Variants in KIF13B observed in about 807,000 individuals in gnomAD.
The protein encoded by KIF13B is kinesin-like protein KIF13B.
A neutral mutation model predicts 222.0 loss-of-function variants in KIF13B; 127 were observed. The ratio of observed to expected loss-of-function variants is 0.57; its 90% confidence interval spans 0.50 to 0.66. The LOEUF is 0.66. KIF13B is among the 30% of genes least tolerant of loss of function. The pLI is 0.00. For missense variants in KIF13B, 2,173 were observed against 2,379.0 expected, an observed-to-expected ratio of 0.91 and a Z score of 1.80; for synonymous variants, 976 against 919.0, an observed-to-expected ratio of 1.06 and a Z score of -1.12.
chr8:29,109,893 C>G, intron 33 of KIF13B, 25 bp downstream of exon 33: 1 of 1,610,382 alleles, frequency 6.2e-7, no homozygotes, highest in Non-Finnish European at 8.5e-7. Flanking sequence ...CTCTGCTGCC[C>G]GCCCTATCCA....
At chr8:29,175,965 G>A (rs1391074348) in intron 10 of KIF13B, 103 bp downstream of exon 10, 13 of 706,330 alleles carry the variant, frequency 1.8e-5, no homozygotes, top group Admixed American at 9.8e-5. Flanking sequence ...TTTGCACACC[G>A]ATAGAGGAAA....
At chr8:29,081,305 T>C (rs1807800044) in intron 37 of KIF13B, among the ~76,000 whole-genome samples, 2 of 152,192 alleles carry the variant, frequency 1.3e-5, no homozygotes, top group Non-Finnish European at 2.9e-5. Flanking sequence ...GCAGCAGCCC[T>C]GACATGGCAG....
chr8:29,127,351 G>T, intron 24 of KIF13B, 83 bp from the exon 25 acceptor site: 1 of 1,206,388 alleles, frequency 8.3e-7, no homozygotes, highest in Non-Finnish European at 1.2e-6. Flanking sequence ...ACAGGCTGAT[G>T]TTGAGAAAAA....
At chr8:29,097,543 G>A (rs1808589117) in intron 36 of KIF13B, among the ~76,000 whole-genome samples, 1 of 151,972 alleles carries the variant, frequency 6.6e-6, no homozygotes, top group Admixed American at 6.6e-5. Flanking sequence ...AGTGCACATA[G>A]AATATTAACC....
At position 29,134,052 on chromosome 8, in the gene KIF13B, A is replaced by T; in HGVS notation, c.2772T>A (p.Phe924Leu). ...AAAACAAACTCACATTGCAATGATC[A>T]AAGACAACCATGCAGTGCGGCTCCT... is the stretch of plus-strand genomic sequence containing the variant. ...VSKEPHCMVV[F>L]DHCNEFSVNI... is the part of the protein sequence containing the mutation. The change falls in exon 22 of 40, where the codon TTT (phenylalanine) becomes TTA (leucine). Residue 924 changes from phenylalanine (F) to leucine (L), a missense_variant. By Grantham distance (22) the Phe-to-Leu change is conservative. This residue lies in a region of KIF13B where 1,480 missense variants were observed against 1,722.8 expected (regional missense o/e 0.86). Transcript: ENST00000524189. The T allele has an allele frequency of 6.2e-7, 1 of 1,613,412 alleles. No homozygotes were observed. The highest frequency in any genetic ancestry group is 2.2e-5 in the East Asian group (1 of 44,886).
chr8:29,072,415 AG>A, intron 38 of KIF13B, 99 bp from the exon 39 acceptor site: 16 of 766,196 alleles, frequency 2.1e-5, no homozygotes, highest in Non-Finnish European at 3.0e-5. Flanking sequence ...GGCCAGGGGC[AG>A]TGGCTCAGCC....
intron 17 of KIF13B, among the ~76,000 whole-genome samples, chr8:29,147,158 T>C (rs1471881337): frequency 6.6e-6 from 1 of 152,210 alleles, no homozygotes; most frequent in African/African-American, 2.4e-5. Context: ...CCAAAAGCCA[T>C]ACCAACTGAA....
intron 1 of KIF13B, among the ~76,000 whole-genome samples, chr8:29,248,793 T>C (rs1226095850): frequency 2.6e-5 from 4 of 152,202 alleles, no homozygotes; most frequent in African/African-American, 9.7e-5. Context: ...TCAAAAACCA[T>C]ACATTGTATG....
intron 2 of KIF13B, among the ~76,000 whole-genome samples, chr8:29,205,082 G>C (rs1386025394): frequency 6.6e-6 from 1 of 152,126 alleles, no homozygotes; most frequent in Admixed American, 6.5e-5. Flanking sequence ...TCAGTATGTT[G>C]GGAGGCAAAG....
At position 29,260,271 on chromosome 8, in the gene KIF13B, C is replaced by T. The variant is rs898184650; in HGVS notation, c.55+2709G>A. Among the ~76,000 whole-genome samples, 9 of 152,206 alleles carry T rather than the reference C, an allele frequency of 5.9e-5. No homozygotes were observed. In the East Asian group the frequency reaches 1.7e-3, roughly 29 times the overall value. On this transcript the variant is annotated intron_variant, in intron 1 of 39. Coordinates refer to ENST00000524189, the MANE Select transcript of KIF13B (RefSeq NM_015254.4). ...ACCTAAGCACAACCACTGAATCACA[C>T]AAGAACTTAATACACCAGAGTTTTC...
At position 29,070,580 on chromosome 8, in the gene KIF13B, G is replaced by A. The variant is rs775305974; in HGVS notation, c.5405C>T (p.Ala1802Val). Residue 1802 changes from alanine to valine, a missense_variant, in exon 40 of 40, where the codon GCC becomes GTC. This residue lies in a region of KIF13B where 693 missense variants were observed against 656.2 expected (regional missense o/e 1.06). Transcript: ENST00000524189. This position sits in a 1 kb window ranked among gnomAD's most constrained non-coding sequence, Gnocchi z 4.1. ...ATLSGSATNL[A>V]SLTAALAKAD... Reference sequence around the variant, plus strand: ...CTTGGCCAGGGCAGCTGTCAGCGAGGCCAGGTTGGTGGCGGAGCCCGAGAG... The same window carrying A: ...CTTGGCCAGGGCAGCTGTCAGCGAGACCAGGTTGGTGGCGGAGCCCGAGAG... 22 of 1,603,570 alleles carry A rather than the reference G, an allele frequency of 1.4e-5. No individual in the cohort carries two copies. Among genetic ancestry groups the A allele is most frequent in the Non-Finnish European group, 1.9e-5 (22 of 1,175,480 alleles).
Position 29,127,184 on chromosome 8 carries a change from C to G in KIF13B, c.3160G>C (p.Val1054Leu), listed in dbSNP as rs1433090450. ...LPLMEECILS[V>L]GIGCVKVRPL... ...CTAACTTTGACACATCCAATGCCAA[C>G]AGACAGTATACATTCTTCCATCAGT... The change falls in exon 25 of 40, where the codon GTT (valine) becomes CTT (leucine). Residue 1054 changes from valine to leucine, a missense_variant. Around this residue, in one of 2 missense-constraint regions of KIF13B, gnomAD observed 1,480 missense variants for 1,722.8 expected, o/e 0.86. Transcript: ENST00000524189. 1 of 1,613,870 alleles carries G rather than the reference C, an allele frequency of 6.2e-7. No individual in the cohort carries two copies. The highest frequency in any genetic ancestry group is 1.3e-5 in the African/African-American group (1 of 74,932).
chr8:29,238,094 C>T (rs888754599), intron 2 of KIF13B, among the ~76,000 whole-genome samples: 3 of 152,340 alleles, frequency 2.0e-5, no homozygotes, highest in African/African-American at 7.2e-5. Context: ...AGAGAACAAA[C>T]AGGTCTATTG....
chr8:29,163,651 C>A (rs1811875257), intron 12 of KIF13B, among the ~76,000 whole-genome samples: 1 of 152,044 alleles, frequency 6.6e-6, no homozygotes, highest in African/African-American at 2.4e-5. Flanking sequence ...CAGGTTTCTT[C>A]AATGAGAAAA....
intron 2 of KIF13B, among the ~76,000 whole-genome samples, chr8:29,228,780 G>GT (rs1225771205): frequency 6.6e-6 from 1 of 151,940 alleles, no homozygotes; most frequent in African/African-American, 2.4e-5. Context: ...AAGTTTCATT[G>GT]TAACACATCT....
chr8:29,082,923 A>G (rs929702675), intron 37 of KIF13B, among the ~76,000 whole-genome samples: 3 of 152,220 alleles, frequency 2.0e-5, no homozygotes, highest in African/African-American at 7.2e-5. Context: ...ACAGCAATTC[A>G]AGACCAGCCG....
At chr8:29,072,437 GTGCTT>G in intron 38 of KIF13B, 121 bp from the exon 39 acceptor site, 1 of 559,986 alleles carries the variant, frequency 1.8e-6, no homozygotes, top group Non-Finnish European at 2.8e-6. Context: ...TGTAACCCCA[GTGCTT>G]ATGGAGGGCA....
chr8:29,190,767 C>T (rs966839220), intron 4 of KIF13B: 8 of 516,294 alleles, frequency 1.5e-5, no homozygotes, highest in African/African-American at 7.7e-5. Flanking sequence ...TAGAGAGCAT[C>T]GGAACTGAGT....
rs970479434 is a variant in KIF13B at position 29,071,104 on chromosome 8, C to T, written c.5219-338G>A. Among the ~76,000 whole-genome samples the T allele has an allele frequency of 4.6e-5, 7 of 152,202 alleles. No homozygotes were observed. Among genetic ancestry groups the T allele is most frequent in the African/African-American group, 9.7e-5 (4 of 41,448 alleles). On this transcript the variant is annotated intron_variant, in intron 39 of 39. Coordinates refer to ENST00000524189, the MANE Select transcript of KIF13B (RefSeq NM_015254.4). The surrounding 1 kb of genome is among the most constrained non-coding windows in gnomAD (Gnocchi z 4.9). ...GCCAGCCACTAAGGCACAACCGGCC[C>T]GCCTCGTGCGGGAACAGACCCTTCT...
Sources: allele counts gnomAD v4.1 joint callset (sites outside exome capture counted in the v4.1 genomes callset), GRCh38; gene constraint gnomAD v4.1.1; regional missense constraint gnomAD v4.1.1; non-coding constraint Gnocchi (gnomAD v3.1); transcripts MANE v1.5; gene names NCBI Gene and HGNC (gene_info 2026-07-23, HGNC 2026-07-21).